Variants in PLCB1 observed in about 807,000 individuals in gnomAD.
The protein encoded by PLCB1 is 1-phosphatidylinositol 4,5-bisphosphate phosphodiesterase beta-1.
PLCB1 carries 46 observed loss-of-function variants against 161.8 expected under a neutral mutation model. The observed-to-expected ratio is 0.28, with a 90% confidence interval of 0.22 to 0.36. PLCB1 has a LOEUF of 0.36. PLCB1 is among the 10% of genes least tolerant of loss of function. PLCB1 has a pLI of 1.00. For missense variants in PLCB1, 1,016 were observed against 1,472.5 expected, an observed-to-expected ratio of 0.69 and a Z score of 5.07; for synonymous variants, 517 against 503.7, an observed-to-expected ratio of 1.03 and a Z score of -0.35.
At chr20:8,312,844 A>G (rs1462751589) in intron 2 of PLCB1, among the ~76,000 whole-genome samples, 2 of 152,118 alleles carry the variant, frequency 1.3e-5, no homozygotes, top group African/African-American at 4.8e-5. Context: ...ATAGAAAAAA[A>G]AAAAGGCTTA....
intron 31 of PLCB1, among the ~76,000 whole-genome samples, chr20:8,854,373 C>T (rs746854852): frequency 6.6e-6 from 1 of 152,138 alleles, no homozygotes; most frequent in African/African-American, 2.4e-5. Context: ...TCTGTGATTT[C>T]TTCTTCATTC....
intron 2 of PLCB1, among the ~76,000 whole-genome samples, chr20:8,290,606 G>A (rs976495490): frequency 9.9e-5 from 15 of 152,130 alleles, no homozygotes; most frequent in Non-Finnish European, 1.6e-4. Flanking sequence ...AGATGAAAGC[G>A]CTTGCACTTG....
intron 2 of PLCB1, among the ~76,000 whole-genome samples, chr20:8,213,473 T>C (rs1365987381): frequency 6.6e-6 from 1 of 152,074 alleles, no homozygotes; most frequent in Non-Finnish European, 1.5e-5. Flanking sequence ...ACAAAGGCCC[T>C]GCAGCAGGAG....
chr20:8,514,011 G>A (rs1432072088), intron 3 of PLCB1, among the ~76,000 whole-genome samples: 2 of 151,914 alleles, frequency 1.3e-5, no homozygotes, highest in African/African-American at 4.8e-5. Flanking sequence ...GGACAACACA[G>A]TCCCTGTCTC....
intron 31 of PLCB1, among the ~76,000 whole-genome samples, chr20:8,875,989 A>G (rs973891817): frequency 6.6e-6 from 1 of 152,172 alleles, no homozygotes; most frequent in African/African-American, 2.4e-5. Flanking sequence ...TCAGAGTCAG[A>G]AAAGCATCCC....
chr20:8,732,767 G>T (rs952502996), intron 18 of PLCB1, among the ~76,000 whole-genome samples: 1 of 128,340 alleles, frequency 7.8e-6, no homozygotes, highest in African/African-American at 2.8e-5. Context: ...TTAGATATTA[G>T]ATATATTAGA....
chr20:8,577,061 C>T (rs192759612), intron 3 of PLCB1, among the ~76,000 whole-genome samples: 33 of 152,060 alleles, frequency 2.2e-4, no homozygotes, highest in Admixed American at 1.2e-3. Flanking sequence ...GTGAGTTTGA[C>T]GACAAGTTGC....
At chr20:8,169,728 T>A (rs1465675827) in intron 2 of PLCB1, among the ~76,000 whole-genome samples, 3 of 152,102 alleles carry the variant, frequency 2.0e-5, no homozygotes. Context: ...GAACTTGGAG[T>A]GCAGTTTTCG....
chr20:8,312,134 C>G (rs1347855635), intron 2 of PLCB1, among the ~76,000 whole-genome samples: 1 of 152,136 alleles, frequency 6.6e-6, no homozygotes, highest in East Asian at 1.9e-4. Flanking sequence ...TGGGAAGACT[C>G]ACAGCTGCCT....
At chr20:8,716,226 C>T (rs1347205013) in intron 12 of PLCB1, 38 bp from the exon 13 acceptor site, 1 of 1,497,092 alleles carries the variant, frequency 6.7e-7, no homozygotes, top group African/African-American at 1.4e-5. Flanking sequence ...TTGGATAAGC[C>T]TCCCTACTTT....
chr20:8,883,647 T>G lies in PLCB1; in HGVS notation c.*1798T>G, dbSNP rs73089700. On this transcript the variant is annotated 3_prime_UTR_variant, in exon 32 of 32. Transcript: ENST00000338037. ...CAATAACTAGAGATTACAATTAAAT[T>G]TTAATCAAAATGAAGGCTTAGTTCA... 5,359 of 152,472 alleles carry G rather than the reference T, an allele frequency of 0.035. 156 individuals are homozygous for G. The highest frequency in any genetic ancestry group is 0.088 in the Middle Eastern group (26 of 294). 9.4% of individuals were successfully genotyped at this position (152,472 alleles called of 1,614,324 possible).
At chr20:8,396,141 C>T (rs945824318) in intron 3 of PLCB1, among the ~76,000 whole-genome samples, 3 of 152,150 alleles carry the variant, frequency 2.0e-5, no homozygotes, top group African/African-American at 7.2e-5. Flanking sequence ...GCTTGTTTCT[C>T]TGGCAACAAG....
chr20:8,692,124 T>G (rs988195693), intron 10 of PLCB1, among the ~76,000 whole-genome samples: 1 of 152,190 alleles, frequency 6.6e-6, no homozygotes, highest in African/African-American at 2.4e-5. Context: ...CCATTAGATT[T>G]GAGGGTTTTG....
intron 2 of PLCB1, among the ~76,000 whole-genome samples, chr20:8,318,184 A>G (rs898420601): frequency 1.3e-4 from 20 of 152,162 alleles, no homozygotes; most frequent in South Asian, 4.1e-4. Flanking sequence ...GTAAATTTTT[A>G]GACAGTGTAT....
intron 26 of PLCB1, among the ~76,000 whole-genome samples, chr20:8,770,565 G>GT (rs1335581726): frequency 6.6e-6 from 1 of 152,166 alleles, no homozygotes; most frequent in Non-Finnish European, 1.5e-5. Flanking sequence ...AGAGCAGTTT[G>GT]TTTTTATACA....
intron 23 of PLCB1, among the ~76,000 whole-genome samples, chr20:8,742,886 A>T (rs77939240): frequency 6.6e-6 from 1 of 152,156 alleles, no homozygotes; most frequent in Non-Finnish European, 1.5e-5. Context: ...AGACATACTG[A>T]TTTTTGTACA....
chr20:8,269,849 A>G (rs1221033408), intron 2 of PLCB1, among the ~76,000 whole-genome samples: 1 of 152,174 alleles, frequency 6.6e-6, no homozygotes, highest in Non-Finnish European at 1.5e-5. Context: ...TGAGAAATAA[A>G]TAATAATGTA....
intron 3 of PLCB1, among the ~76,000 whole-genome samples, chr20:8,436,410 T>C (rs1484801684): frequency 6.7e-6 from 1 of 149,956 alleles, no homozygotes; most frequent in African/African-American, 2.5e-5. Context: ...CTTCAGAAAA[T>C]CTGGACTTCT....
chr20:8,137,060 G>A (rs747645958), intron 1 of PLCB1, among the ~76,000 whole-genome samples: 1 of 152,146 alleles, frequency 6.6e-6, no homozygotes, highest in Non-Finnish European at 1.5e-5. Flanking sequence ...CAGAAGTTTG[G>A]ATTTGCGTTA....
Sources: gnomAD v4.1 joint callset for allele counts (sites outside exome capture counted in the v4.1 genomes callset) on GRCh38, gnomAD v4.1.1 for gene constraint, MANE v1.5 for transcripts, NCBI Gene and HGNC (gene_info 2026-07-23, HGNC 2026-07-21) for gene names.